MACF1: variants seen among roughly 807,000 people sequenced by gnomAD.
MACF1 encodes microtubule actin crosslinking factor 1.
MACF1 carries 193 observed loss-of-function variants against 854.8 expected under a neutral mutation model. The observed-to-expected ratio is 0.23, with a 90% CI of 0.20 to 0.25. MACF1 has a LOEUF of 0.25. MACF1 is among the 10% of genes least tolerant of loss of function. MACF1 has a pLI of 1.00. For synonymous variants in MACF1, 3,185 were observed against 3,226.7 expected, an observed-to-expected ratio of 0.99 and a Z score of 0.44; for missense variants, 7,722 against 8,929.1, an observed-to-expected ratio of 0.86 and a Z score of 5.45.
chr1:39,445,063 G>A (rs112528958), intron 80 of MACF1, among the ~76,000 whole-genome samples: 2 of 152,038 alleles, frequency 1.3e-5, no homozygotes, highest in African/African-American at 4.8e-5. Flanking sequence ...TTATCGCTTC[G>A]TGATGGGCTT....
At position 39,484,680 on chromosome 1, in the gene MACF1, C is replaced by A. The variant is rs770158260; in HGVS notation, c.22361C>A (p.Thr7454Asn). 2.7e-5 allele frequency: 44 copies of A among 1,613,948 alleles called. No homozygotes were observed. Among genetic ancestry groups the A allele is most frequent in the Non-Finnish European group, 3.6e-5 (42 of 1,179,984 alleles). ...AGTCGGACATCCCTTGCTGGTGATA[C>A]CAGCAATAGTTCTTCCCCGGCCTCC... ...HSSRTSLAGDTSNSSSPASTG... is the reference protein window; with the variant it reads ...HSSRTSLAGDNSNSSSPASTG... Residue 7454 changes from threonine (T) to asparagine (N), a missense_variant, in exon 100 of 101, where the codon ACC becomes AAC. Thr to Asn is a moderately conservative substitution (Grantham distance 65). This residue lies in a region of MACF1 where 185 missense variants were observed against 225.7 expected (regional missense o/e 0.82). Transcript: ENST00000564288.
intron 2 of MACF1, among the ~76,000 whole-genome samples, chr1:39,188,322 T>TTGAGCCCC (rs1557506668): frequency 6.6e-6 from 1 of 151,894 alleles, no homozygotes; most frequent in Non-Finnish European, 1.5e-5. Flanking sequence ...GTGGGCAGAT[T>TTGAGCCCC]GCTTGAGCCC....
chr1:39,105,499 G>A lies in MACF1; in HGVS notation c.220+21061G>A. 1 of 1,014,550 alleles carries A rather than the reference G, an allele frequency of 9.9e-7. No individual in the cohort carries two copies. The highest frequency in any genetic ancestry group is 1.7e-5 in the African/African-American group (1 of 57,394). The allele number at this position is 1,014,550 out of a possible 1,614,324, so 62.8% of individuals were successfully genotyped here. A position where few individuals can be genotyped will look rare whatever the true frequency, so the allele number is the denominator to read the frequency against. On this transcript the variant is annotated intron_variant, in intron 2 of 93. Coordinates refer to the MACF1 transcript ENST00000361689. This position sits in a 1 kb window ranked among gnomAD's most constrained non-coding sequence, Gnocchi z 5.9. ...CCGGGCGAGGCGGGCGGACGGCGGA[G>A]AGCGAGGGCGCCGTCGCCGTCTCTG...
chr1:39,458,639 T>C, intron 90 of MACF1, 149 bp downstream of exon 90: 2 of 988,780 alleles, frequency 2.0e-6, no homozygotes, highest in Non-Finnish European at 2.9e-6. Flanking sequence ...AACTCACTTT[T>C]CTTACATTGA....
In MACF1 at chr1:39,385,649, C is replaced by T. The variant is rs1228928171; in HGVS notation, c.14064C>T (p.Tyr4688=). The T allele has an allele frequency of 6.2e-7, 1 of 1,614,152 alleles. No individual in the cohort carries two copies. Residue 4688 remains tyrosine, a synonymous_variant, in exon 57 of 101, where the codon TAC becomes TAT. Coordinates refer to ENST00000564288, the MANE Select transcript of MACF1 (RefSeq NM_001394062.1). ...IDQAIVKSTQ[Y]QELLQDLSEK... ...AAGCTATTGTTAAGAGCACCCAGTA[C>T]CAGGAACTGCTCCAGGACTTATCAG...
intron 2 of MACF1, among the ~76,000 whole-genome samples, chr1:39,236,888 C>T (rs1365154185): frequency 6.6e-6 from 1 of 152,186 alleles, no homozygotes; most frequent in Non-Finnish European, 1.5e-5. Context: ...CTCTCCTGGG[C>T]TTGTGATCTG....
At position 39,105,593 on chromosome 1, in the gene MACF1, G is replaced by T; in HGVS notation, c.220+21155G>T. Reference sequence around the variant, plus strand: ...CGCGGGCCTGGAACCGGCAGCCCCCGGGGCTCGGCGAGAAGGCGGTGCGGG... The same window carrying T: ...CGCGGGCCTGGAACCGGCAGCCCCCTGGGCTCGGCGAGAAGGCGGTGCGGG... On this transcript the variant is annotated intron_variant, in intron 2 of 93. Transcript: ENST00000361689. The surrounding 1 kb of genome is among the most constrained non-coding windows in gnomAD (Gnocchi z 5.9). The T allele has an allele frequency of 8.3e-7, 1 of 1,210,988 alleles. No individual in the cohort carries two copies. Among genetic ancestry groups the T allele is most frequent in the Non-Finnish European group, 1.1e-6 (1 of 948,904 alleles). 75.0% of individuals were successfully genotyped at this position (1,210,988 alleles called of 1,614,324 possible). A position where few individuals can be genotyped will look rare whatever the true frequency, so the allele number is the denominator to read the frequency against.
rs956196631 is a variant in MACF1 at position 39,115,913 on chromosome 1, A to G, written c.220+31475A>G. Among the ~76,000 whole-genome samples the G allele has an allele frequency of 2.6e-5, 4 of 152,340 alleles. No homozygotes were observed. The East Asian group carries it at 5.8e-4, about 22-fold the overall frequency. ...GCAGAGGTCAAATAAGGCAAAGACT[A>G]CAGATGTCCAAAATAAAGGTTACTG... On this transcript the variant is annotated intron_variant, in intron 2 of 93. Transcript: ENST00000361689.
chr1:39,435,438 T>C (rs1643953672), intron 69 of MACF1, 120 bp from the exon 70 acceptor site: 1 of 772,266 alleles, frequency 1.3e-6, no homozygotes, highest in Non-Finnish European at 2.1e-6. Flanking sequence ...TGCTGGGCCT[T>C]GCTGGTTTTT....
intron 41 of MACF1, among the ~76,000 whole-genome samples, chr1:39,349,044 A>G (rs1647121108): frequency 6.6e-6 from 1 of 152,108 alleles, no homozygotes; most frequent in African/African-American, 2.4e-5. Flanking sequence ...CAGGTCTTTG[A>G]TTTTTCTTTC....
chr1:39,100,970 A>G (rs925787869), intron 2 of MACF1, among the ~76,000 whole-genome samples: 5 of 152,186 alleles, frequency 3.3e-5, no homozygotes, highest in African/African-American at 1.2e-4. Flanking sequence ...CATGTTACCC[A>G]GGCTGGTCTT....
intron 70 of MACF1, among the ~76,000 whole-genome samples, chr1:39,436,840 A>T (rs1403610401): frequency 6.6e-6 from 1 of 152,226 alleles, no homozygotes; most frequent in Admixed American, 6.5e-5. Context: ...AGTTGTAGTC[A>T]TGTTATTCAA....
At chr1:39,231,341 T>A in intron 2 of MACF1, 98 bp downstream of exon 2, 1 of 1,111,324 alleles carries the variant, frequency 9.0e-7, no homozygotes, top group Non-Finnish European at 1.4e-6. Flanking sequence ...GCTTGCTGTG[T>A]GCTCAAGTCT....
intron 2 of MACF1, among the ~76,000 whole-genome samples, chr1:39,090,683 A>G (rs1641780446): frequency 1.3e-5 from 2 of 152,174 alleles, no homozygotes; most frequent in African/African-American, 4.8e-5. Flanking sequence ...GCCTAGGCTG[A>G]AGGTAGGAAT....
At chr1:39,195,263 A>G (rs1644306402) in intron 2 of MACF1, among the ~76,000 whole-genome samples, 1 of 152,172 alleles carries the variant, frequency 6.6e-6, no homozygotes, top group South Asian at 2.1e-4. Flanking sequence ...AAAAAGATGC[A>G]TTACCAGAAG....
chr1:39,218,535 T>A (rs1436866042), intron 1 of MACF1, among the ~76,000 whole-genome samples: 1 of 152,194 alleles, frequency 6.6e-6, no homozygotes, highest in African/African-American at 2.4e-5. Flanking sequence ...TCTCTCTTTG[T>A]ATTTATGAAA....
intron 1 of MACF1, among the ~76,000 whole-genome samples, chr1:39,226,830 TTTATAAAAAAAAGAAA>T (rs1282026758): frequency 6.6e-6 from 1 of 152,160 alleles, no homozygotes; most frequent in Non-Finnish European, 1.5e-5. Context: ...ATACATAGCT[TTTATAAAAAAAAGAAA>T]TTATAAAAAA....
chr1:39,195,922 G>A (rs953859335), intron 2 of MACF1, among the ~76,000 whole-genome samples: 4 of 152,184 alleles, frequency 2.6e-5, no homozygotes, highest in African/African-American at 9.6e-5. Flanking sequence ...GGTGAGGTAA[G>A]TTATCAGTTG....
intron 84 of MACF1, among the ~76,000 whole-genome samples, chr1:39,449,068 C>T (rs1017184753): frequency 2.0e-5 from 3 of 152,196 alleles, no homozygotes; most frequent in Non-Finnish European, 4.4e-5. Context: ...ATTGACTGCT[C>T]TTGGACACTC....
Sources: allele counts gnomAD v4.1 joint callset (sites outside exome capture counted in the v4.1 genomes callset), GRCh38; gene constraint gnomAD v4.1.1; regional missense constraint gnomAD v4.1.1; non-coding constraint Gnocchi (gnomAD v3.1); transcripts MANE v1.5; gene names NCBI Gene and HGNC (gene_info 2026-07-23, HGNC 2026-07-21).